The following PCGF2 variants were observed in gnomAD, a reference collection of about 807,000 sequenced individuals.
PCGF2 encodes the protein polycomb group ring finger 2.
Under a neutral mutation model 36.1 loss-of-function variants are expected in PCGF2, and 8 were observed. The ratio of observed to expected loss-of-function variants is 0.22; its 90% CI spans 0.13 to 0.40. PCGF2 has a LOEUF of 0.40. Among genes scored for constraint, PCGF2 ranks in the 10% least tolerant of loss-of-function variants. The pLI, the probability that PCGF2 is intolerant of heterozygous loss-of-function variation, is 1.00. For missense variants in PCGF2, 436 were observed against 475.9 expected, an observed-to-expected ratio of 0.92 and a Z score of 0.78; for synonymous variants, 198 against 191.2, an observed-to-expected ratio of 1.04 and a Z score of -0.29.
rs1306157992 is a variant in PCGF2 at position 38,739,183 on chromosome 17, A to G, written c.265+15T>C. ...GGGAAATGGGGTCAGTGGAGGAGGAATGGAGTGCAGATACCTTTAAAAAGC... is the reference window on the plus strand; with the variant it reads ...GGGAAATGGGGTCAGTGGAGGAGGAGTGGAGTGCAGATACCTTTAAAAAGC... On this transcript the variant is annotated intron_variant, in intron 5 of 10. Coordinates refer to ENST00000620225, the MANE Select transcript of PCGF2 (RefSeq NM_007144.3). This position sits in a 1 kb window ranked among gnomAD's most constrained non-coding sequence, Gnocchi z 4.0. The G allele has an allele frequency of 3.7e-6, 6 of 1,613,880 alleles. No individual in the cohort carries two copies. The highest frequency in any genetic ancestry group is 4.2e-6 in the Non-Finnish European group (5 of 1,179,886).
chr17:38,746,994 G>C (rs1239866347), intron 2 of PCGF2, among the ~76,000 whole-genome samples: 1 of 152,196 alleles, frequency 6.6e-6, no homozygotes, highest in Non-Finnish European at 1.5e-5. Context: ...AGAACAGAGC[G>C]GGGAGGGGAC....
At chr17:38,749,776 C>T (rs751823616), upstream of PCGF2, 1 of 454,842 alleles carries the variant, frequency 2.2e-6, no homozygotes, top group Non-Finnish European at 4.4e-6. The surrounding 1 kb of genome is among the most constrained non-coding windows in gnomAD (Gnocchi z 6.5). Context: ...GAGACCTGCG[C>T]ACACTGGCCG....
chr17:38,745,205 G>A (rs567882383), intron 2 of PCGF2, among the ~76,000 whole-genome samples: 1 of 152,312 alleles, frequency 6.6e-6, no homozygotes, highest in South Asian at 2.1e-4. Flanking sequence ...GGTGGCACGC[G>A]CCTCTAGTCC....
intron 2 of PCGF2, among the ~76,000 whole-genome samples, chr17:38,742,287 C>A (rs1372897807): frequency 6.6e-6 from 1 of 152,228 alleles, no homozygotes; most frequent in Non-Finnish European, 1.5e-5. Context: ...ATACTCACAC[C>A]CTTCTCTCCT....
At chr17:38,746,265 A>C in intron 2 of PCGF2, among the ~76,000 whole-genome samples, 1 of 148,040 alleles carries the variant, frequency 6.8e-6, no homozygotes, top group Non-Finnish European at 1.5e-5. Flanking sequence ...ACCCCCCTCC[A>C]CCTCTCACAC....
chr17:38,738,991 G>A (rs1304078855), intron 6 of PCGF2, 77 bp downstream of exon 6: 32 of 1,565,592 alleles, frequency 2.0e-5, no homozygotes, highest in Non-Finnish European at 2.7e-5. Flanking sequence ...GGAGGTCAGA[G>A]GGTGAGGGGT....
At chr17:38,737,729 T>C (rs1453299915) in intron 9 of PCGF2, among the ~76,000 whole-genome samples, 3 of 151,702 alleles carry the variant, frequency 2.0e-5, no homozygotes, top group Non-Finnish European at 4.4e-5. Flanking sequence ...CTGGCCAACA[T>C]GGTGAAACCC....
In PCGF2 at chr17:38,739,651, C is replaced by A. The variant is rs778786385; in HGVS notation, c.144G>T (p.Glu48Asp). Residue 48 changes from glutamate to aspartate, a missense_variant, in exon 4 of 11, where the codon GAG (glutamate) becomes GAT (aspartate). Glu to Asp is a conservative substitution (Grantham distance 45). Coordinates refer to ENST00000620225, the MANE Select transcript of PCGF2 (RefSeq NM_007144.3). The surrounding 1 kb of genome is among the most constrained non-coding windows in gnomAD (Gnocchi z 4.0). ...CACACATGGGGCAGTATTTGTTGGT[C>A]TCCAGGTAGCGCACGATGCAGGTTT... Reference protein sequence around the residue: ...FCKTCIVRYLETNKYCPMCDV... With the variant: ...FCKTCIVRYLDTNKYCPMCDV... 2.5e-6 allele frequency: 4 copies of A among 1,614,074 alleles called. No homozygotes were observed. In the Admixed American group the frequency reaches 5.0e-5, roughly 20 times the overall value.
chr17:38,743,741 C>T (rs1304787781), intron 2 of PCGF2, among the ~76,000 whole-genome samples: 1 of 152,088 alleles, frequency 6.6e-6, no homozygotes, highest in Non-Finnish European at 1.5e-5. Flanking sequence ...GCAATGTAAA[C>T]AGGAGCTCTG....
At position 38,739,104 on chromosome 17, in the gene PCGF2, G is replaced by A. The variant is rs749508532; in HGVS notation, c.280C>T (p.Arg94Trp). 8.7e-6 allele frequency: 14 copies of A among 1,613,862 alleles called. No individual in the cohort carries two copies. Among genetic ancestry groups the A allele is most frequent in the East Asian group, 2.2e-5 (1 of 44,878 alleles). ...GGGTACGCTGCATAGAAATCCCGCCGCCGTTTCATCTCATCTGGAAGAAGG... is the reference window on the plus strand; with the variant it reads ...GGGTACGCTGCATAGAAATCCCGCCACCGTTTCATCTCATCTGGAAGAAGG... ...PGLFKDEMKR[R>W]RDFYAAYPLT... Residue 94 changes from arginine (R) to tryptophan (W), a missense_variant, in exon 6 of 11, where the codon CGG becomes TGG. This residue lies in a region of PCGF2 where 189 missense variants were observed against 219.3 expected (regional missense o/e 0.86). Coordinates refer to ENST00000620225, the MANE Select transcript of PCGF2 (RefSeq NM_007144.3). This position sits in a 1 kb window ranked among gnomAD's most constrained non-coding sequence, Gnocchi z 4.0.
Position 38,738,458 on chromosome 17 carries a change from C to T in PCGF2, c.481-10G>A. ...GGAAGCGCACCCCTGTCTGCTGGGG[C>T]ACAGGCACCCATGGTAGGGGATCCA... On this transcript the variant is annotated splice_polypyrimidine_tract_variant and intron_variant, in intron 8 of 10. Coordinates refer to ENST00000620225, the MANE Select transcript of PCGF2 (RefSeq NM_007144.3). 1 of 1,613,882 alleles carries T rather than the reference C, an allele frequency of 6.2e-7. No individual in the cohort carries two copies. The highest frequency in any genetic ancestry group is 8.5e-7 in the Non-Finnish European group (1 of 1,179,738).
chr17:38,736,549 A>G (rs554548945), intron 9 of PCGF2, among the ~76,000 whole-genome samples: 53 of 151,934 alleles, frequency 3.5e-4, no homozygotes, highest in African/African-American at 9.7e-4. Context: ...AAAAACACCA[A>G]TGTGGCCGGG....
intron 9 of PCGF2, 62 bp from the exon 10 acceptor site, chr17:38,736,232 GT>G (rs1906711253): frequency 1.9e-6 from 2 of 1,030,674 alleles, no homozygotes; most frequent in African/African-American, 3.2e-5. Context: ...GGCTGGGAAT[GT>G]GGGGGACTGG....
Position 38,740,324 on chromosome 17 carries a change from C to G in PCGF2, c.79G>C (p.Asp27His). ...MCALCGGYFIDATTIVECLHS... is the reference protein window; with the variant it reads ...MCALCGGYFIHATTIVECLHS... ...AGGCACTCCACGATAGTGGTGGCGT[C>G]GATGAAGTACCCCCCGCAGAGGGCA... The change falls in exon 3 of 11, where the codon GAC (aspartate) becomes CAC (histidine). Residue 27 changes from aspartate to histidine, a missense_variant. This residue lies in a region of PCGF2 where 189 missense variants were observed against 219.3 expected (regional missense o/e 0.86). Transcript: ENST00000620225. 1 of 1,612,098 alleles carries G rather than the reference C, an allele frequency of 6.2e-7. No individual in the cohort carries two copies. Among genetic ancestry groups the G allele is most frequent in the Non-Finnish European group, 8.5e-7 (1 of 1,179,166 alleles).
intron 9 of PCGF2, among the ~76,000 whole-genome samples, chr17:38,736,788 A>C (rs555640016): frequency 6.6e-5 from 10 of 151,972 alleles, no homozygotes; most frequent in East Asian, 3.9e-4. Context: ...GAGCGGAGAT[A>C]GTGCCCCTGA....
Position 38,734,923 on chromosome 17 carries a change from C to T in PCGF2, c.*300G>A. The T allele has an allele frequency of 4.1e-6, 1 of 243,292 alleles. No individual in the cohort carries two copies. Among genetic ancestry groups the T allele is most frequent in the South Asian group, 1.8e-4 (1 of 5,702 alleles). 15.1% of individuals were successfully genotyped at this position (243,292 alleles called of 1,614,324 possible). A position where few individuals can be genotyped will look rare whatever the true frequency, so the allele number is the denominator to read the frequency against. ...CCATCCAGTTCATCTCCAGGCACCC[C>T]CAAAAACAGCAAATTACACAAGACC... is the stretch of plus-strand genomic sequence containing the variant. On this transcript the variant is annotated 3_prime_UTR_variant, in exon 11 of 11. Transcript: ENST00000620225.
In PCGF2 at chr17:38,739,013, C is replaced by T. The variant is rs1158898927; in HGVS notation, c.316+55G>A. ...AGAGGGTGAGGGGTAGCGCTACACA[C>T]CTACATGGTCCCAGGCAAGACTGTG... On this transcript the variant is annotated intron_variant, in intron 6 of 10. Coordinates refer to ENST00000620225, the MANE Select transcript of PCGF2 (RefSeq NM_007144.3). This position sits in a 1 kb window ranked among gnomAD's most constrained non-coding sequence, Gnocchi z 4.0. The T allele has an allele frequency of 6.3e-7, 1 of 1,599,218 alleles. No individual in the cohort carries two copies. Among genetic ancestry groups the T allele is most frequent in the African/African-American group, 1.3e-5 (1 of 74,594 alleles).
At position 38,739,308 on chromosome 17, in the gene PCGF2, C is replaced by T. The variant is rs1907013766; in HGVS notation, c.210-55G>A. On this transcript the variant is annotated intron_variant, in intron 4 of 10. Coordinates refer to ENST00000620225, the MANE Select transcript of PCGF2 (RefSeq NM_007144.3). This position sits in a 1 kb window ranked among gnomAD's most constrained non-coding sequence, Gnocchi z 4.0. The stretch of plus-strand genomic sequence containing the variant: ...AATGCCTTCTCCAGAGCGCTCCGAC[C>T]TCGCCCTGCTCTCCCAGCCAGGGTA... The T allele has an allele frequency of 1.3e-6, 2 of 1,495,616 alleles. No homozygotes were observed. Among genetic ancestry groups the T allele is most frequent in the East Asian group, 2.3e-5 (1 of 44,322 alleles). 92.6% of individuals were successfully genotyped at this position (1,495,616 alleles called of 1,614,324 possible). A position where few individuals can be genotyped will look rare whatever the true frequency, so the allele number is the denominator to read the frequency against.
chr17:38,735,611 A>G lies in PCGF2; in HGVS notation c.658-11T>C. Reference sequence around the variant, plus strand: ...GGGGAGAGGCCCGTTCTGCGGGGAGAGTGGGGAGGAGAGACACAGGGAAGG... The same window carrying G: ...GGGGAGAGGCCCGTTCTGCGGGGAGGGTGGGGAGGAGAGACACAGGGAAGG... On this transcript the variant is annotated splice_polypyrimidine_tract_variant and intron_variant, in intron 10 of 10. Coordinates refer to ENST00000620225, the MANE Select transcript of PCGF2 (RefSeq NM_007144.3). 1.3e-6 allele frequency: 2 copies of G among 1,540,956 alleles called. No homozygotes were observed. The highest frequency in any genetic ancestry group is 1.9e-5 in the Admixed American group (1 of 53,858).
Sources: gnomAD v4.1 joint callset for allele counts (sites outside exome capture counted in the v4.1 genomes callset) on GRCh38, gnomAD v4.1.1 for gene constraint, gnomAD v4.1.1 regional missense constraint, Gnocchi (gnomAD v3.1) non-coding constraint, MANE v1.5 for transcripts, NCBI Gene and HGNC (gene_info 2026-07-23, HGNC 2026-07-21) for gene names.